HSPH1: variants seen among roughly 807,000 people sequenced by gnomAD.
HSPH1 encodes the protein heat shock protein family H (Hsp110) member 1, also known as heat shock protein 105 kDa.
HSPH1 carries 40 observed loss-of-function variants against 100.0 expected under a neutral mutation model. The observed-to-expected ratio is 0.40, with a 90% confidence interval of 0.31 to 0.52. The LOEUF is 0.52. Among genes scored for constraint, HSPH1 ranks in the 20% least tolerant of loss-of-function variants. HSPH1 has a pLI of 0.54. For missense variants in HSPH1, 876 were observed against 1,015.1 expected (o/e 0.86, Z 1.86); for synonymous variants, 403 against 344.0 (o/e 1.17, Z -1.90).
chr13:31,138,169 C>T (rs1328061053), intron 17 of HSPH1, among the ~76,000 whole-genome samples: 3 of 152,062 alleles, frequency 2.0e-5, no homozygotes, highest in African/African-American at 7.2e-5. Flanking sequence ...AGGACTGGTA[C>T]ATGACAGGTG....
intron 1 of HSPH1, among the ~76,000 whole-genome samples, chr13:31,160,794 G>C (rs1296477573): frequency 1.3e-5 from 2 of 152,070 alleles, no homozygotes; most frequent in Non-Finnish European, 2.9e-5. Context: ...CAAAAAAAAA[G>C]ACGTTTACAT....
rs970642267 is a variant in HSPH1 at position 31,148,077 on chromosome 13, A to G, written c.1260T>C (p.Phe420=). The change falls in exon 10 of 18, where the codon TTT becomes TTC. Residue 420 remains phenylalanine (F), a synonymous_variant. Coordinates refer to ENST00000320027, the MANE Select transcript of HSPH1 (RefSeq NM_006644.4). ...SEDTEGVHEV[F]SRNHAAPFSK... ...AGAAAGGAGCAGCATGGTTTCGACTAAAGACTTCATGAACACTAGAGAGAA... is the reference window on the plus strand; with the variant it reads ...AGAAAGGAGCAGCATGGTTTCGACTGAAGACTTCATGAACACTAGAGAGAA... The G allele has an allele frequency of 2.5e-6, 4 of 1,607,072 alleles. No individual in the cohort carries two copies. The highest frequency in any genetic ancestry group is 1.3e-5 in the African/African-American group (1 of 74,224).
At position 31,155,718 on chromosome 13, in the gene HSPH1, G is replaced by A. The variant is rs1384617923; in HGVS notation, c.166-64C>T. On this transcript the variant is annotated intron_variant, in intron 2 of 17. Transcript: ENST00000320027. ...ATTTCACCACCTACCAGTAATTTTA[G>A]TAATTTTATTTATTCACTTTACAAC... The A allele has an allele frequency of 3.6e-6, 5 of 1,396,254 alleles. No individual in the cohort carries two copies. The Admixed American group carries it at 6.0e-5, about 17-fold the overall frequency. 86.5% of individuals were successfully genotyped at this position (1,396,254 alleles called of 1,614,324 possible). A position where few individuals can be genotyped will look rare whatever the true frequency, so the allele number is the denominator to read the frequency against.
intron 12 of HSPH1, among the ~76,000 whole-genome samples, chr13:31,143,161 G>A (rs138367762): frequency 6.6e-6 from 1 of 152,008 alleles, no homozygotes; most frequent in African/African-American, 2.4e-5. Flanking sequence ...CAAAACATAC[G>A]GTGATTCATA....
At chr13:31,160,460 C>T (rs750161605) in intron 1 of HSPH1, among the ~76,000 whole-genome samples, 1 of 152,162 alleles carries the variant, frequency 6.6e-6, no homozygotes, top group Non-Finnish European at 1.5e-5. Flanking sequence ...TTTCATTTTG[C>T]ACTTTTCATC....
At chr13:31,139,269 T>C in intron 14 of HSPH1, 162 bp from the exon 15 acceptor site, 1 of 583,128 alleles carries the variant, frequency 1.7e-6, no homozygotes, top group Non-Finnish European at 3.1e-6. Context: ...TGGCTCTCAT[T>C]GACTTAAAAT....
At chr13:31,153,024 T>C (rs1956544730) in intron 4 of HSPH1, 73 bp from the exon 5 acceptor site, 9 of 1,048,454 alleles carry the variant, frequency 8.6e-6, no homozygotes, top group Admixed American at 1.8e-5. Context: ...AAACCACTTA[T>C]AAATTCACAA....
intron 14 of HSPH1, 157 bp from the exon 15 acceptor site, chr13:31,139,264 C>T (rs1456079323): frequency 1.7e-6 from 1 of 586,172 alleles, no homozygotes; most frequent in African/African-American, 1.9e-5. Context: ...GAAAATGGCT[C>T]TCATTGACTT....
intron 14 of HSPH1, among the ~76,000 whole-genome samples, chr13:31,139,737 C>T (rs878935771): frequency 6.6e-6 from 1 of 151,946 alleles, no homozygotes; most frequent in Non-Finnish European, 1.5e-5. Context: ...CTGGGATTTA[C>T]TCACAGCCAT....
rs41292153 is a variant in HSPH1 at position 31,161,610 on chromosome 13, G to T, written c.-28C>A. On this transcript the variant is annotated 5_prime_UTR_variant, in exon 1 of 18. Transcript: ENST00000320027. The stretch of plus-strand genomic sequence containing the variant: ...CCGGCTCGCGGTCCGCCTCCGCCTC[G>T]GGTCTCGGTCTGCGTCCTCCGGCCC... The T allele has an allele frequency of 6.2e-7, 1 of 1,609,800 alleles. No individual in the cohort carries two copies. Among genetic ancestry groups the T allele is most frequent in the South Asian group, 1.1e-5 (1 of 90,958 alleles).
At chr13:31,162,271 G>A, upstream of HSPH1, 2 of 663,246 alleles carry the variant, frequency 3.0e-6, no homozygotes, top group Non-Finnish European at 5.1e-6. Flanking sequence ...CTAAAGGGAG[G>A]CTGGGCGGGC....
chr13:31,161,621 T>A lies in HSPH1; in HGVS notation c.-39A>T, dbSNP rs751267150. On this transcript the variant is annotated 5_prime_UTR_variant, in exon 1 of 18. Transcript: ENST00000320027. ...TCCGCCTCCGCCTCGGGTCTCGGTC[T>A]GCGTCCTCCGGCCCCCTGCCTGCTT... is the stretch of plus-strand genomic sequence containing the variant. 1.6e-5 allele frequency: 25 copies of A among 1,607,576 alleles called. No individual in the cohort carries two copies. The highest frequency in any genetic ancestry group is 2.1e-5 in the Non-Finnish European group (25 of 1,179,200).
intron 6 of HSPH1, 57 bp downstream of exon 6, chr13:31,151,552 C>T (rs1475169552): frequency 1.4e-5 from 22 of 1,520,036 alleles, no homozygotes; most frequent in South Asian, 6.3e-5. Flanking sequence ...GGCTCAGTAG[C>T]TTAAAGTCAC....
chr13:31,162,381 A>G (rs773093664), upstream of HSPH1: 57 of 516,924 alleles, frequency 1.1e-4, no homozygotes, highest in South Asian at 5.0e-4. Context: ...TCCCGCTGGG[A>G]GAAGTGTGCG....
intron 2 of HSPH1, among the ~76,000 whole-genome samples, chr13:31,156,258 CGG>C (rs1956687596): frequency 6.6e-6 from 1 of 152,024 alleles, no homozygotes; most frequent in Non-Finnish European, 1.5e-5. Flanking sequence ...GGCGTGGTTG[CGG>C]GCACCTGCAG....
Position 31,137,487 on chromosome 13 carries a change from G to C in HSPH1, c.2408C>G (p.Pro803Arg), listed in dbSNP as rs920116149. ...NNTCEPVVTQPKPKIESPKLE... is the reference protein window; with the variant it reads ...NNTCEPVVTQRKPKIESPKLE... Reference sequence around the variant, plus strand: ...TTTGGGTGATTCAATTTTTGGTTTCGGTTGTGTTACAACGGGTTCACATGT... The same window carrying C: ...TTTGGGTGATTCAATTTTTGGTTTCCGTTGTGTTACAACGGGTTCACATGT... The change falls in exon 18 of 18, where the codon CCG (proline) becomes CGG (arginine). Residue 803 changes from proline to arginine, a missense_variant. Pro to Arg is a moderately radical substitution (Grantham distance 103). Transcript: ENST00000320027. The C allele has an allele frequency of 6.2e-7, 1 of 1,612,980 alleles. No homozygotes were observed. The highest frequency in any genetic ancestry group is 8.5e-7 in the Non-Finnish European group (1 of 1,179,526).
At chr13:31,151,427 T>A (rs1956482849) in intron 6 of HSPH1, 182 bp downstream of exon 6, 1 of 672,388 alleles carries the variant, frequency 1.5e-6, no homozygotes, top group Non-Finnish European at 2.4e-6. Flanking sequence ...CACTTAAGAG[T>A]ATGCTAAGAC....
At chr13:31,157,281 G>C (rs1030513361) in intron 2 of HSPH1, among the ~76,000 whole-genome samples, 1 of 152,040 alleles carries the variant, frequency 6.6e-6, no homozygotes, top group Non-Finnish European at 1.5e-5. Context: ...ATCCTCAATG[G>C]GCACATTTAA....
intron 7 of HSPH1, 88 bp from the exon 8 acceptor site, chr13:31,150,270 CCT>C: frequency 3.2e-6 from 3 of 925,804 alleles, no homozygotes; most frequent in Non-Finnish European, 4.9e-6. Context: ...TTATTTTCCC[CCT>C]CAGACACCTT....
Sources: allele counts gnomAD v4.1 joint callset (sites outside exome capture counted in the v4.1 genomes callset), GRCh38; gene constraint gnomAD v4.1.1; transcripts MANE v1.5; gene names NCBI Gene and HGNC (gene_info 2026-07-23, HGNC 2026-07-21).